Variants in EYS observed in about 807,000 individuals in gnomAD.
EYS encodes EGF-like photoreceptor maintenance factor.
EYS carries 250 observed loss-of-function variants against 282.1 expected under a neutral mutation model. That is an observed-to-expected ratio of 0.89 (90% CI 0.80 to 0.98). The LOEUF (loss-of-function observed/expected upper bound fraction) is 0.98, where lower values mean the gene tolerates loss of function less well. Ranked by LOEUF, EYS falls within the 50% of genes least tolerant of loss-of-function variation. The pLI, the probability that EYS is intolerant of heterozygous loss-of-function variation, is 0.00. For synonymous variants in EYS, 1,355 were observed against 1,282.9 expected, an observed-to-expected ratio of 1.06 and a Z score of -1.20; for missense variants, 4,016 against 3,709.0, an observed-to-expected ratio of 1.08 and a Z score of -2.15.
chr6:65,504,324 T>G (rs1468612809), intron 2 of EYS, among the ~76,000 whole-genome samples: 20 of 151,666 alleles, frequency 1.3e-4, no homozygotes, highest in Admixed American at 1.3e-3. Context: ...TATACTGACT[T>G]ATTTAAGGCA....
intron 22 of EYS, among the ~76,000 whole-genome samples, chr6:64,797,107 A>G (rs1293960036): frequency 6.6e-6 from 1 of 152,156 alleles, no homozygotes; most frequent in Non-Finnish European, 1.5e-5. Context: ...GGGTTAATCA[A>G]TATCAGCCAG....
intron 14 of EYS, among the ~76,000 whole-genome samples, chr6:64,961,612 C>CA (rs1174177576): frequency 6.6e-6 from 1 of 151,880 alleles, no homozygotes; most frequent in East Asian, 1.9e-4. Context: ...TAATGTTTTT[C>CA]AAAAAATGCA....
intron 2 of EYS, among the ~76,000 whole-genome samples, chr6:65,584,809 T>C (rs917853531): frequency 6.6e-6 from 1 of 151,332 alleles, no homozygotes; most frequent in African/African-American, 2.4e-5. Flanking sequence ...GAATAATATA[T>C]ATGTCTTTTA....
At chr6:64,631,088 A>G (rs1767763656) in intron 22 of EYS, 1 of 152,206 alleles carries the variant, frequency 6.6e-6, no homozygotes, top group Non-Finnish European at 1.5e-5. Flanking sequence ...TAACATAAGA[A>G]TTGCTCTGCA....
chr6:64,724,764 A>G (rs1285528713), intron 22 of EYS, among the ~76,000 whole-genome samples: 1 of 152,226 alleles, frequency 6.6e-6, no homozygotes, highest in Non-Finnish European at 1.5e-5. Flanking sequence ...GTTAAAAAAT[A>G]GCATTTGTGA....
At chr6:64,289,608 G>A (rs910863180) in intron 30 of EYS, among the ~76,000 whole-genome samples, 5 of 152,014 alleles carry the variant, frequency 3.3e-5, no homozygotes, top group Middle Eastern at 3.4e-3. Context: ...TTTTCCTCTC[G>A]TAAACCCACT....
At chr6:63,798,313 C>T (rs1415614793) in intron 37 of EYS, among the ~76,000 whole-genome samples, 7 of 152,128 alleles carry the variant, frequency 4.6e-5, no homozygotes, top group Admixed American at 2.6e-4. Flanking sequence ...TTTTAAAAGA[C>T]TCAAATAATT....
At chr6:65,659,307 A>C (rs866862976) in intron 1 of EYS, among the ~76,000 whole-genome samples, 4 of 151,748 alleles carry the variant, frequency 2.6e-5, no homozygotes, top group Admixed American at 2.0e-4. Flanking sequence ...GTGCAGGAGT[A>C]CTATCTGGCA....
chr6:63,808,887 A>G (rs1274860600), intron 36 of EYS, among the ~76,000 whole-genome samples: 1 of 152,226 alleles, frequency 6.6e-6, no homozygotes, highest in Non-Finnish European at 1.5e-5. Flanking sequence ...ACATTGGGTT[A>G]AATAAAATAT....
chr6:63,834,221 A>C (rs1462431089), intron 36 of EYS, among the ~76,000 whole-genome samples: 1 of 152,182 alleles, frequency 6.6e-6, no homozygotes, highest in Non-Finnish European at 1.5e-5. Context: ...GGATCTAATT[A>C]AACTAAAGAG....
chr6:64,022,068 C>G (rs1471831690), intron 33 of EYS, among the ~76,000 whole-genome samples: 1 of 152,146 alleles, frequency 6.6e-6, no homozygotes, highest in Non-Finnish European at 1.5e-5. Flanking sequence ...AGACACTGAT[C>G]AATGAATATC....
At chr6:64,955,558 A>T (rs1164497986) in intron 14 of EYS, among the ~76,000 whole-genome samples, 1 of 152,170 alleles carries the variant, frequency 6.6e-6, no homozygotes, top group African/African-American at 2.4e-5. Flanking sequence ...ATGTTTGCTC[A>T]GAAGGGATTT....
chr6:63,830,027 A>C (rs538144287), intron 36 of EYS, among the ~76,000 whole-genome samples: 1 of 152,364 alleles, frequency 6.6e-6, no homozygotes, highest in African/African-American at 2.4e-5. Flanking sequence ...AAAACTAACA[A>C]ACAGAAAGGA....
At chr6:64,692,683 C>T (rs947761570) in intron 22 of EYS, among the ~76,000 whole-genome samples, 9 of 152,076 alleles carry the variant, frequency 5.9e-5, no homozygotes, top group Non-Finnish European at 1.0e-4. Context: ...GAATGGTAGG[C>T]ATCCAGCTTC....
chr6:65,368,630 GT>G (rs1554188329), intron 8 of EYS, among the ~76,000 whole-genome samples: 2 of 151,622 alleles, frequency 1.3e-5, no homozygotes, highest in Non-Finnish European at 2.9e-5. Context: ...GCACATTGTT[GT>G]TTGCTTATTT....
At chr6:64,801,560 C>T (rs895229949) in intron 22 of EYS, among the ~76,000 whole-genome samples, 6 of 152,026 alleles carry the variant, frequency 3.9e-5, no homozygotes, top group Admixed American at 1.3e-4. Context: ...ATAACTGACT[C>T]TGTAAATTTC....
intron 36 of EYS, among the ~76,000 whole-genome samples, chr6:63,829,688 C>T (rs1430713801): frequency 6.6e-6 from 1 of 152,172 alleles, no homozygotes; most frequent in East Asian, 1.9e-4. Context: ...CTTAAACGTC[C>T]CTGTCTGACA....
At chr6:63,845,589 A>G (rs946444386) in intron 36 of EYS, among the ~76,000 whole-genome samples, 10 of 152,122 alleles carry the variant, frequency 6.6e-5, no homozygotes, top group Admixed American at 1.3e-4. Context: ...ACTTCTTTTC[A>G]ATTTTACCTA....
At chr6:65,219,514 C>G (rs949762789) in intron 12 of EYS, among the ~76,000 whole-genome samples, 1 of 151,908 alleles carries the variant, frequency 6.6e-6, no homozygotes, top group African/African-American at 2.4e-5. Flanking sequence ...TTTTTTCAGA[C>G]TAAGAAATGT....
Sources: gnomAD v4.1 joint callset for allele counts (sites outside exome capture counted in the v4.1 genomes callset) on GRCh38, gnomAD v4.1.1 for gene constraint, MANE v1.5 for transcripts, NCBI Gene and HGNC (gene_info 2026-07-23, HGNC 2026-07-21) for gene names.